TUSC3: variants seen among roughly 807,000 people sequenced by gnomAD.
TUSC3 encodes the protein tumor suppressor candidate 3.
Under a neutral mutation model 44.8 loss-of-function variants are expected in TUSC3, and 45 were observed. The observed-to-expected ratio is 1.00, with a 90% CI of 0.79 to 1.29. The LOEUF (loss-of-function observed/expected upper bound fraction) is 1.29, where lower values mean the gene tolerates loss of function less well. Among genes scored for constraint, TUSC3 ranks in the 50% most tolerant of loss-of-function variants. The pLI is 0.00. For missense variants in TUSC3, 519 were observed against 437.9 expected (o/e 1.19, Z -1.65); for synonymous variants, 212 against 152.9 (o/e 1.39, Z -2.85).
At chr8:15,422,005 A>C (rs1446799158) in intron 1 of TUSC3, among the ~76,000 whole-genome samples, 1 of 152,106 alleles carries the variant, frequency 6.6e-6, no homozygotes, top group Non-Finnish European at 1.5e-5. Flanking sequence ...AATTATACTT[A>C]TTGTTCCTTT....
At chr8:15,659,355 A>T in intron 3 of TUSC3, 152 bp from the exon 4 acceptor site, 2 of 892,954 alleles carry the variant, frequency 2.2e-6, no homozygotes, top group Non-Finnish European at 3.4e-6. Flanking sequence ...GTAGTGAATT[A>T]AGACAAATAA....
intron 2 of TUSC3, among the ~76,000 whole-genome samples, chr8:15,530,812 C>T (rs1358233574): frequency 6.6e-6 from 1 of 152,102 alleles, no homozygotes; most frequent in Non-Finnish European, 1.5e-5. Context: ...CAAGAGTCTT[C>T]TGACTTTTTA....
chr8:15,751,854 A>C (rs79487932), intron 9 of TUSC3, among the ~76,000 whole-genome samples: 2,066 of 152,240 alleles, frequency 0.014, 36 homozygotes, highest in Non-Finnish European at 0.017. Flanking sequence ...AGAATCTCCA[A>C]GTGTGGGTTT....
intron 2 of TUSC3, among the ~76,000 whole-genome samples, chr8:15,528,437 G>A (rs764697505): frequency 1.3e-5 from 2 of 152,210 alleles, no homozygotes; most frequent in Non-Finnish European, 2.9e-5. Context: ...AGGAAGCCAA[G>A]TAAGTTGAAT....
At chr8:15,844,385 A>G in the TUSC3 span, among the ~76,000 whole-genome samples, 1 of 152,160 alleles carries the variant, frequency 6.6e-6, no homozygotes, top group Non-Finnish European at 1.5e-5. Context: ...TTAATAAGCT[A>G]AGAGTCTATT....
At chr8:15,486,168 G>T (rs999887079) in intron 2 of TUSC3, among the ~76,000 whole-genome samples, 16 of 152,116 alleles carry the variant, frequency 1.1e-4, no homozygotes, top group Non-Finnish European at 1.8e-4. Flanking sequence ...AAGAAGTGAC[G>T]TGATTGGTCA....
intron 1 of TUSC3, among the ~76,000 whole-genome samples, chr8:15,556,689 T>C (rs1016843072): frequency 2.7e-5 from 4 of 146,308 alleles, no homozygotes; most frequent in African/African-American, 5.0e-5. Flanking sequence ...TTTTAATGAT[T>C]GCCACTCTAA....
At chr8:15,550,565 T>A (rs148529011) in intron 1 of TUSC3, among the ~76,000 whole-genome samples, 1,520 of 151,812 alleles carry the variant, frequency 0.01, 86 homozygotes, top group Admixed American at 0.074. Context: ...GGTCTTACCC[T>A]CCTACCCTGC....
intron 1 of TUSC3, among the ~76,000 whole-genome samples, chr8:15,551,254 A>G (rs1448824376): frequency 6.6e-6 from 1 of 151,582 alleles, no homozygotes; most frequent in Non-Finnish European, 1.5e-5. Flanking sequence ...ATGCCTAGAA[A>G]CTACTAGAGT....
rs1433996955 is a variant in TUSC3, at chr8:15,531,072, C to T, written n.189+47589C>T. Among the ~76,000 whole-genome samples the T allele has an allele frequency of 1.3e-5, 2 of 152,144 alleles. 1 individual carries two copies. The highest frequency in any genetic ancestry group is 2.9e-5 in the Non-Finnish European group (2 of 68,032). On this transcript the variant is annotated intron_variant and non_coding_transcript_variant, in intron 2 of 5. Coordinates refer to the TUSC3 transcript ENST00000503191. ...ACTGTGTGTGCTCACCTGCTAGGCACTAGTAGGCCGCTGTGCATGCGGGCA... is the reference window on the plus strand; with the variant it reads ...ACTGTGTGTGCTCACCTGCTAGGCATTAGTAGGCCGCTGTGCATGCGGGCA...
the TUSC3 span, among the ~76,000 whole-genome samples, chr8:15,847,728 C>G: frequency 6.6e-6 from 1 of 152,088 alleles, no homozygotes. Context: ...AGTTTATATA[C>G]AAATTATGGA....
At chr8:15,657,629 C>T (rs1807230669) in intron 3 of TUSC3, among the ~76,000 whole-genome samples, 1 of 152,196 alleles carries the variant, frequency 6.6e-6, no homozygotes, top group African/African-American at 2.4e-5. Flanking sequence ...TGAGCCCTCT[C>T]TAGAATCACC....
chr8:15,843,593 C>CATAAGTATATATATATATAT, the TUSC3 span, among the ~76,000 whole-genome samples: 1 of 91,142 alleles, frequency 1.1e-5, no homozygotes, highest in Non-Finnish European at 1.9e-5. Context: ...ACTTGATGTA[C>CATAAGTATATATATATATAT]ATATATATAT....
the TUSC3 span, among the ~76,000 whole-genome samples, chr8:15,824,714 C>T: frequency 2.0e-5 from 3 of 152,138 alleles, no homozygotes; most frequent in South Asian, 4.1e-4. Flanking sequence ...AACTAACCTG[C>T]ACGTTGTGCA....
At chr8:15,641,042 C>T (rs2129171710) in intron 2 of TUSC3, among the ~76,000 whole-genome samples, 1 of 152,084 alleles carries the variant, frequency 6.6e-6, no homozygotes, top group South Asian at 2.1e-4. Context: ...GTATTGTGTG[C>T]CATGTGTGCT....
chr8:15,842,496 G>C, the TUSC3 span, among the ~76,000 whole-genome samples: 2 of 152,260 alleles, frequency 1.3e-5, no homozygotes, highest in Non-Finnish European at 2.9e-5. Context: ...TTCTGGATCA[G>C]AAGCAGACTG....
intron 6 of TUSC3, among the ~76,000 whole-genome samples, chr8:15,725,410 T>G (rs1167486614): frequency 6.6e-6 from 1 of 152,176 alleles, no homozygotes; most frequent in Non-Finnish European, 1.5e-5. Context: ...GCTGATAATA[T>G]CAGGTTGGGT....
intron 1 of TUSC3, among the ~76,000 whole-genome samples, chr8:15,441,547 C>G (rs1800020425): frequency 6.6e-6 from 1 of 152,154 alleles, no homozygotes; most frequent in African/African-American, 2.4e-5. Flanking sequence ...AAAATATGCT[C>G]ATAGACATGG....
At chr8:15,673,903 A>G (rs1808068246) in intron 6 of TUSC3, 67 bp downstream of exon 6, 5 of 1,337,664 alleles carry the variant, frequency 3.7e-6, no homozygotes, top group South Asian at 3.6e-5. Context: ...ATAAGAAATT[A>G]TGTTTAGTAT....
Sources: allele counts gnomAD v4.1 joint callset (sites outside exome capture counted in the v4.1 genomes callset), GRCh38; gene constraint gnomAD v4.1.1; transcripts MANE v1.5; gene names NCBI Gene and HGNC (gene_info 2026-07-23, HGNC 2026-07-21).